ANKRD17: variants seen among roughly 807,000 people sequenced by gnomAD.
ANKRD17 encodes the protein ankyrin repeat domain 17.
In ANKRD17, 19 loss-of-function variants were observed where a neutral mutation model predicts 229.7. The observed-to-expected ratio is 0.08, with a 90% CI of 0.06 to 0.12. The LOEUF (loss-of-function observed/expected upper bound fraction) is 0.12, where lower values mean the gene tolerates loss of function less well. Ranked by LOEUF, ANKRD17 falls within the 10% of genes least tolerant of loss-of-function variation. The pLI is 1.00. For synonymous variants in ANKRD17, 1,112 were observed against 1,146.1 expected, an observed-to-expected ratio of 0.97 and a Z score of 0.60; for missense variants, 2,176 against 3,176.8, an observed-to-expected ratio of 0.68 and a Z score of 7.57.
chr4:73,257,960 AC>A (rs1357266749), intron 1 of ANKRD17, among the ~76,000 whole-genome samples: 5 of 107,768 alleles, frequency 4.6e-5, no homozygotes, highest in South Asian at 3.2e-4. Context: ...CAGGCAGACC[AC>A]CCCCCCACCC....
chr4:73,077,625 G>A (rs1037017931), intron 31 of ANKRD17, 92 bp from the exon 32 acceptor site: 79 of 1,143,168 alleles, frequency 6.9e-5, no homozygotes, highest in Middle Eastern at 3.1e-4. Context: ...ACATTGAACC[G>A]TAAATTATTT....
At chr4:73,243,686 C>A (rs1744240439) in intron 1 of ANKRD17, among the ~76,000 whole-genome samples, 1 of 152,176 alleles carries the variant, frequency 6.6e-6, no homozygotes, top group Non-Finnish European at 1.5e-5. Context: ...CCTCCAATAT[C>A]CACAGTCCCC....
Position 73,146,838 on chromosome 4 carries a change from T to G in ANKRD17, c.1795A>C (p.Thr599Pro). 3 of 1,612,946 alleles carry G rather than the reference T, an allele frequency of 1.9e-6. No individual in the cohort carries two copies. Among genetic ancestry groups the G allele is most frequent in the Non-Finnish European group, 2.5e-6 (3 of 1,179,258 alleles). ...TTTTCACAGGCATATGTTAGTGCTG[T>G]ATCCCCTGTTGCTGTTGTTGCATGA... ...NVHATTATGD[T>P]ALTYACENGH... Residue 599 changes from threonine to proline, a missense_variant, in exon 10 of 34, where the codon ACA (threonine) becomes CCA (proline). Physicochemically the swap from Thr to Pro is conservative, Grantham distance 38 (BLOSUM62 -1). Around this residue, in one of 18 missense-constraint regions of ANKRD17, gnomAD observed 275 missense variants for 386.9 expected, o/e 0.71. Coordinates refer to ENST00000358602, the MANE Select transcript of ANKRD17 (RefSeq NM_032217.5).
intron 23 of ANKRD17, 103 bp downstream of exon 23, chr4:73,115,718 A>G (rs1725860931): frequency 1.2e-6 from 1 of 807,190 alleles, no homozygotes; most frequent in Non-Finnish European, 2.0e-6. Flanking sequence ...GATAAATGAA[A>G]ATGGCTACAT....
chr4:73,099,549 A>G (rs1359049638), intron 25 of ANKRD17, among the ~76,000 whole-genome samples: 1 of 152,114 alleles, frequency 6.6e-6, no homozygotes, highest in African/African-American at 2.4e-5. Flanking sequence ...GGCTTCCCAT[A>G]GTGTGGTCTG....
chr4:73,198,061 C>A (rs750891553), intron 1 of ANKRD17, among the ~76,000 whole-genome samples: 1 of 152,106 alleles, frequency 6.6e-6, no homozygotes, highest in South Asian at 2.1e-4. Flanking sequence ...AGTCTCCATA[C>A]ATACAATCTA....
intron 27 of ANKRD17, among the ~76,000 whole-genome samples, chr4:73,096,185 T>C (rs1162970145): frequency 6.6e-6 from 1 of 152,236 alleles, no homozygotes; most frequent in Non-Finnish European, 1.5e-5. Flanking sequence ...CTAAGTTACC[T>C]AACAACTCTT....
At chr4:73,094,663 A>G (rs552037147) in intron 27 of ANKRD17, among the ~76,000 whole-genome samples, 1 of 150,786 alleles carries the variant, frequency 6.6e-6, no homozygotes, top group East Asian at 1.9e-4. Flanking sequence ...TATTATATAT[A>G]CATATATGTA....
intron 2 of ANKRD17, among the ~76,000 whole-genome samples, chr4:73,171,298 T>A (rs553720316): frequency 2.6e-5 from 4 of 151,766 alleles, no homozygotes; most frequent in African/African-American, 9.7e-5. Flanking sequence ...TTCTTCTAGA[T>A]CTTAAATAAA....
At chr4:73,181,903 C>A (rs1216522202) in intron 1 of ANKRD17, among the ~76,000 whole-genome samples, 1 of 150,836 alleles carries the variant, frequency 6.6e-6, no homozygotes, top group Non-Finnish European at 1.5e-5. Context: ...CAAAAATTAG[C>A]CAGGCATGGT....
intron 1 of ANKRD17, among the ~76,000 whole-genome samples, chr4:73,218,166 C>A (rs1204997098): frequency 6.6e-6 from 1 of 152,108 alleles, no homozygotes. Context: ...AAAGTGACAA[C>A]ATAAAGGTGT....
At chr4:73,137,654 T>C (rs1363152734) in intron 15 of ANKRD17, among the ~76,000 whole-genome samples, 4 of 152,118 alleles carry the variant, frequency 2.6e-5, no homozygotes, top group Admixed American at 6.5e-5. Flanking sequence ...TGCAGGTAAG[T>C]AGCCAAATGT....
chr4:73,165,076 G>A (rs933419733), intron 2 of ANKRD17, among the ~76,000 whole-genome samples: 1 of 152,100 alleles, frequency 6.6e-6, no homozygotes, highest in Non-Finnish European at 1.5e-5. Flanking sequence ...GGAAAAATCT[G>A]TATATAAGCT....
intron 30 of ANKRD17, among the ~76,000 whole-genome samples, chr4:73,084,530 C>T (rs528749385): frequency 4.3e-4 from 65 of 149,794 alleles, no homozygotes; most frequent in African/African-American, 1.6e-3. Flanking sequence ...CTCACTGCAA[C>T]CTCCGCCTCC....
chr4:73,117,259 A>ATG (rs908609800), intron 22 of ANKRD17, among the ~76,000 whole-genome samples: 10 of 152,266 alleles, frequency 6.6e-5, no homozygotes, highest in Middle Eastern at 3.4e-3. Context: ...AACAAAGGTG[A>ATG]TGTGAGAGAT....
At chr4:73,171,178 G>GGAGAGAGAGAGAGAGAGAGAGAGAGAGA (rs56882212) in intron 2 of ANKRD17, among the ~76,000 whole-genome samples, 4 of 104,446 alleles carry the variant, frequency 3.8e-5, no homozygotes, top group African/African-American at 1.6e-4. Context: ...CTCAGAGGGG[G>GGAGAGAGAGAGAGAGAGAGAGAGAGAGA]GAGAGAGAGA....
chr4:73,121,516 TA>T, intron 19 of ANKRD17, 100 bp downstream of exon 19: 2 of 1,387,898 alleles, frequency 1.4e-6, no homozygotes, highest in Non-Finnish European at 2.0e-6. Flanking sequence ...AAATTTGTAA[TA>T]AAGGGATTTA....
intron 22 of ANKRD17, among the ~76,000 whole-genome samples, chr4:73,117,519 G>A (rs1315815956): frequency 1.3e-5 from 2 of 152,166 alleles, no homozygotes; most frequent in Non-Finnish European, 2.9e-5. Context: ...TAGCCAGTGA[G>A]AAGGAATAAG....
At chr4:73,121,854 T>C in intron 18 of ANKRD17, 95 bp from the exon 19 acceptor site, 1 of 1,251,408 alleles carries the variant, frequency 8.0e-7, no homozygotes. Context: ...TACTGTACAA[T>C]AAAAGAAGGG....
Sources: allele counts gnomAD v4.1 joint callset (sites outside exome capture counted in the v4.1 genomes callset), GRCh38; gene constraint gnomAD v4.1.1; regional missense constraint gnomAD v4.1.1; transcripts MANE v1.5; gene names NCBI Gene and HGNC (gene_info 2026-07-23, HGNC 2026-07-21).